Variants in DHX15 observed in about 807,000 individuals in gnomAD.
The protein encoded by DHX15 is ATP-dependent RNA helicase DHX15.
Under a neutral mutation model 94.4 loss-of-function variants are expected in DHX15, and 11 were observed. That is an observed-to-expected ratio of 0.12 (90% CI 0.07 to 0.19). The LOEUF (loss-of-function observed/expected upper bound fraction) is 0.19, where lower values mean the gene tolerates loss of function less well. Ranked by LOEUF, DHX15 falls within the 10% of genes least tolerant of loss-of-function variation. DHX15 has a pLI of 1.00. For synonymous variants in DHX15, 338 were observed against 329.9 expected, an observed-to-expected ratio of 1.02 and a Z score of -0.27; for missense variants, 304 against 988.5, an observed-to-expected ratio of 0.31 and a Z score of 9.29.
At chr4:24,569,523 C>G (rs1052828995) in intron 3 of DHX15, among the ~76,000 whole-genome samples, 1 of 125,386 alleles carries the variant, frequency 8.0e-6, no homozygotes, top group Admixed American at 1.1e-4. Context: ...ACCCGGGAGG[C>G]GGAGGTTGCA....
At chr4:24,574,541 T>A (rs1322378662) in intron 2 of DHX15, among the ~76,000 whole-genome samples, 1 of 152,182 alleles carries the variant, frequency 6.6e-6, no homozygotes, top group African/African-American at 2.4e-5. Flanking sequence ...GAAATGAGGC[T>A]ACCCATAATC....
chr4:24,568,116 T>C (rs1057071850), intron 3 of DHX15, among the ~76,000 whole-genome samples: 1 of 152,226 alleles, frequency 6.6e-6, no homozygotes, highest in African/African-American at 2.4e-5. Flanking sequence ...TTAGCTAAAA[T>C]GCTCTCAAAC....
At chr4:24,552,810 C>T (rs777973166) in intron 5 of DHX15, among the ~76,000 whole-genome samples, 4 of 152,182 alleles carry the variant, frequency 2.6e-5, no homozygotes, top group Non-Finnish European at 4.4e-5. Flanking sequence ...ACTAGAGCAG[C>T]ATTTTATTTC....
intron 3 of DHX15, among the ~76,000 whole-genome samples, chr4:24,569,353 G>C (rs985005830): frequency 1.3e-5 from 2 of 152,152 alleles, no homozygotes; most frequent in African/African-American, 4.8e-5. Flanking sequence ...AGCACTGTGG[G>C]AGGCTGAGGC....
At chr4:24,550,069 G>A (rs1468167505) in intron 5 of DHX15, among the ~76,000 whole-genome samples, 1 of 113,286 alleles carries the variant, frequency 8.8e-6, no homozygotes. Flanking sequence ...ACTCCAGCCT[G>A]GGCAAAAAGA....
chr4:24,577,576 T>C (rs1270689937), intron 1 of DHX15, among the ~76,000 whole-genome samples: 4 of 152,194 alleles, frequency 2.6e-5, no homozygotes, highest in Non-Finnish European at 4.4e-5. Context: ...TATTAAGTTG[T>C]TTAACATGTT....
At chr4:24,541,543 CA>C (rs903323522) in intron 8 of DHX15, among the ~76,000 whole-genome samples, 3 of 151,822 alleles carry the variant, frequency 2.0e-5, no homozygotes, top group Non-Finnish European at 4.4e-5. Context: ...AACCTAGTAA[CA>C]AAAGAGCAAA....
chr4:24,559,144 G>C (rs1185409925), intron 3 of DHX15, among the ~76,000 whole-genome samples: 4 of 152,012 alleles, frequency 2.6e-5, no homozygotes, highest in African/African-American at 9.7e-5. Context: ...TAAAGAGAGG[G>C]AGATTTGAAC....
intron 6 of DHX15, among the ~76,000 whole-genome samples, chr4:24,548,453 T>A (rs1721507012): frequency 6.6e-6 from 1 of 152,232 alleles, no homozygotes; most frequent in Admixed American, 6.5e-5. Context: ...AGATCAGTGC[T>A]ACTGTTATTA....
At chr4:24,531,287 A>C (rs1721079346) in intron 12 of DHX15, among the ~76,000 whole-genome samples, 1 of 151,922 alleles carries the variant, frequency 6.6e-6, no homozygotes, top group Non-Finnish European at 1.5e-5. Flanking sequence ...ACGGGGTTTC[A>C]CCATGTTAGC....
chr4:24,563,563 T>C (rs932096173), intron 3 of DHX15: 6 of 152,226 alleles, frequency 3.9e-5, no homozygotes, highest in Non-Finnish European at 8.8e-5. Flanking sequence ...GTTGATTCCA[T>C]CTGTAAATGC....
At chr4:24,546,916 C>G (rs919835541) in intron 6 of DHX15, among the ~76,000 whole-genome samples, 1 of 151,434 alleles carries the variant, frequency 6.6e-6, no homozygotes, top group Admixed American at 6.6e-5. Flanking sequence ...ACAAAAAAAT[C>G]AAATATTTTT....
intron 3 of DHX15, among the ~76,000 whole-genome samples, chr4:24,567,318 C>T (rs939899261): frequency 5.9e-5 from 9 of 152,180 alleles, no homozygotes; most frequent in African/African-American, 1.9e-4. Flanking sequence ...GTGGCGGCTG[C>T]CTGTAATCCC....
At chr4:24,536,222 T>C (rs1721194725) in intron 11 of DHX15, among the ~76,000 whole-genome samples, 1 of 152,192 alleles carries the variant, frequency 6.6e-6, no homozygotes, top group Non-Finnish European at 1.5e-5. Context: ...GCTAGAACAA[T>C]TACTTCATAT....
intron 3 of DHX15, chr4:24,563,485 T>A (rs1652977329): frequency 6.6e-6 from 1 of 152,190 alleles, no homozygotes; most frequent in African/African-American, 2.4e-5. Context: ...TTAATGTCCA[T>A]GCAGCCAAAA....
intron 3 of DHX15, among the ~76,000 whole-genome samples, chr4:24,562,347 C>T (rs1181066895): frequency 6.6e-6 from 1 of 152,022 alleles, no homozygotes; most frequent in African/African-American, 2.4e-5. Flanking sequence ...CTTTACAATA[C>T]ACTCAGAGAA....
chr4:24,562,871 G>C (rs938673314), intron 3 of DHX15, among the ~76,000 whole-genome samples: 3 of 152,096 alleles, frequency 2.0e-5, no homozygotes, highest in Non-Finnish European at 4.4e-5. Context: ...AATTCTGAAA[G>C]ATTTAAAAGA....
At chr4:24,551,307 C>T (rs1285350161) in intron 5 of DHX15, among the ~76,000 whole-genome samples, 1 of 150,770 alleles carries the variant, frequency 6.6e-6, no homozygotes, top group South Asian at 2.1e-4. Flanking sequence ...CAACAAAGTG[C>T]GTGTTTTTTT....
At chr4:24,558,302 A>T (rs1721786857) in intron 3 of DHX15, among the ~76,000 whole-genome samples, 1 of 152,128 alleles carries the variant, frequency 6.6e-6, no homozygotes, top group South Asian at 2.1e-4. Flanking sequence ...GACAATAAAA[A>T]CTTGAGAAAA....
Sources: allele counts gnomAD v4.1 joint callset (sites outside exome capture counted in the v4.1 genomes callset), GRCh38; gene constraint gnomAD v4.1.1; transcripts MANE v1.5; gene names NCBI Gene and HGNC (gene_info 2026-07-23, HGNC 2026-07-21).